HROB: variants seen among roughly 807,000 people sequenced by gnomAD.
HROB encodes the protein homologous recombination factor with OB-fold.
A neutral mutation model predicts 61.0 loss-of-function variants in HROB; 44 were observed. The ratio of observed to expected loss-of-function variants is 0.72; its 90% confidence interval spans 0.57 to 0.93. The LOEUF is 0.93. HROB is among the 40% of genes least tolerant of loss of function. HROB has a pLI of 0.00. For synonymous variants in HROB, 301 were observed against 310.4 expected (o/e 0.97, Z 0.32); for missense variants, 716 against 796.2 (o/e 0.90, Z 1.21).
chr17:44,152,533 G>A (rs2053845848), intron 4 of HROB, 104 bp from the exon 5 acceptor site: 1 of 1,350,662 alleles, frequency 7.4e-7, no homozygotes, highest in Non-Finnish European at 1.0e-6. Flanking sequence ...GTTTTTCCGA[G>A]GGGATTTGCC....
At chr17:44,147,751 C>A in intron 2 of HROB, 107 bp from the exon 3 acceptor site, 1 of 1,172,616 alleles carries the variant, frequency 8.5e-7, no homozygotes, top group South Asian at 1.5e-5. Flanking sequence ...GCTTTGGTTT[C>A]TTTCAAGTAT....
rs756148705 is a variant in HROB at position 44,148,612 on chromosome 17, C to G, written c.809C>G (p.Pro270Arg). ...CAGCAACTCCACTGGGAAGTCTGTC[C>G]GCAACGCTCCCCTGTTCAAGCACTT... ...PTQQLHWEVC[P>R]QRSPVQALQP... The change falls in exon 3 of 10, where the codon CCG (proline) becomes CGG (arginine). Residue 270 changes from proline to arginine, a missense_variant. Physicochemically the swap from Pro to Arg is moderately radical, Grantham distance 103. Transcript: ENST00000585683. 1 of 1,613,570 alleles carries G rather than the reference C, an allele frequency of 6.2e-7. No individual in the cohort carries two copies. The highest frequency in any genetic ancestry group is 1.7e-5 in the Admixed American group (1 of 60,014).
At position 44,142,067 on chromosome 17, in the gene HROB, G is replaced by T; in HGVS notation, c.-76G>T. On this transcript the variant is annotated 5_prime_UTR_variant, in exon 1 of 10. Transcript: ENST00000585683. ...GGAGTCCGAGACTTCCACCTGGGTCGTGTCCAAGGCCCCGGCGACTCCCCG... is the reference window on the plus strand; with the variant it reads ...GGAGTCCGAGACTTCCACCTGGGTCTTGTCCAAGGCCCCGGCGACTCCCCG... The T allele has an allele frequency of 1.3e-6, 2 of 1,518,106 alleles. No homozygotes were observed. The highest frequency in any genetic ancestry group is 8.8e-7 in the Non-Finnish European group (1 of 1,133,130). 94.0% of individuals were successfully genotyped at this position (1,518,106 alleles called of 1,614,324 possible).
intron 4 of HROB, among the ~76,000 whole-genome samples, chr17:44,151,831 TTTATG>T (rs2053815357): frequency 1.4e-5 from 2 of 147,238 alleles, no homozygotes; most frequent in African/African-American, 5.4e-5. Context: ...ATTATGTTAT[TTTATG>T]TTATTTTATT....
chr17:44,154,379 T>C, intron 5 of HROB, 177 bp from the exon 6 acceptor site: 1 of 591,182 alleles, frequency 1.7e-6, no homozygotes, highest in South Asian at 2.1e-5. Context: ...ATGAAGGACC[T>C]CCCAGCTCTA....
chr17:44,156,705 C>G (rs1198823392), intron 8 of HROB, among the ~76,000 whole-genome samples: 1 of 151,620 alleles, frequency 6.6e-6, no homozygotes, highest in African/African-American at 2.4e-5. Flanking sequence ...ACTCTGTCAC[C>G]CAGGCTGTAG....
chr17:44,150,864 C>A, intron 3 of HROB, 97 bp from the exon 4 acceptor site: 1 of 1,018,134 alleles, frequency 9.8e-7, no homozygotes, highest in South Asian at 1.4e-5. Context: ...AGTCCCTGAT[C>A]ATTTCCTGAA....
At chr17:44,155,025 A>G (rs999044156) in intron 7 of HROB, 87 bp downstream of exon 7, 6 of 1,472,074 alleles carry the variant, frequency 4.1e-6, no homozygotes, top group African/African-American at 1.4e-5. Context: ...CTTCCTCTAC[A>G]ACACCAGGCA....
chr17:44,145,166 G>C (rs1212347675), intron 1 of HROB, 37 bp from the exon 2 acceptor site: 1 of 1,611,656 alleles, frequency 6.2e-7, no homozygotes, highest in South Asian at 1.1e-5. Context: ...CTTGCAAATG[G>C]TATTTCTCAA....
chr17:44,152,857 G>C, intron 5 of HROB, 80 bp downstream of exon 5: 1 of 1,537,218 alleles, frequency 6.5e-7, no homozygotes, highest in South Asian at 1.2e-5. Flanking sequence ...CTCCACCTTA[G>C]GAAGGGGCTG....
intron 5 of HROB, chr17:44,154,210 T>C: frequency 4.5e-6 from 1 of 224,352 alleles, no homozygotes; most frequent in African/African-American, 2.3e-5. Flanking sequence ...GGCGTGGTGG[T>C]GGGCGCCTGT....
chr17:44,143,679 C>T (rs918617743), intron 1 of HROB, among the ~76,000 whole-genome samples: 9 of 151,700 alleles, frequency 5.9e-5, no homozygotes, highest in Non-Finnish European at 1.2e-4. Context: ...TAGCTGAGCA[C>T]GGTGGTGCAC....
chr17:44,147,850 C>G lies in HROB; in HGVS notation c.55-8C>G. 1.2e-6 allele frequency: 2 copies of G among 1,606,616 alleles called. No homozygotes were observed. The highest frequency in any genetic ancestry group is 2.7e-5 in the African/African-American group (2 of 74,830). On this transcript the variant is annotated splice_region_variant and splice_polypyrimidine_tract_variant and intron_variant, in intron 2 of 9. Coordinates refer to ENST00000585683, the MANE Select transcript of HROB (RefSeq NM_001171251.3). ...ATGCCAAGACCTACCATCTCTGCTT[C>G]CTTGTAGGATTTCTTGTCTGCTGTG... is the stretch of plus-strand genomic sequence containing the variant.
intron 9 of HROB, among the ~76,000 whole-genome samples, 159 bp downstream of exon 9, chr17:44,158,100 G>T (rs1053543003): frequency 3.3e-5 from 5 of 152,216 alleles, no homozygotes; most frequent in East Asian, 1.9e-4. Context: ...TGGCAAGGCT[G>T]CAGGCCACAA....
chr17:44,151,065 C>G, intron 4 of HROB, 21 bp downstream of exon 4: 1 of 1,588,696 alleles, frequency 6.3e-7, no homozygotes, highest in Non-Finnish European at 8.6e-7. Flanking sequence ...CAAATGTTAA[C>G]TTTCTGGGTG....
In HROB at chr17:44,156,071, C is replaced by A. The variant is rs575673845; in HGVS notation, c.1770+660C>A. On this transcript the variant is annotated intron_variant, in intron 8 of 9. Transcript: ENST00000585683. The stretch of plus-strand genomic sequence containing the variant: ...TGGGCAAGTCCTGTTGCCTCCCTTG[C>A]AACAGCTTCATCTATAGTACGTTTG... 3.3e-5 allele frequency among the ~76,000 whole-genome samples: 5 copies of A among 152,208 alleles called. No homozygotes were observed. The South Asian group carries it at 1.0e-3, about 31-fold the overall frequency.
In HROB at chr17:44,155,390, G is replaced by A. The variant is rs1489282735; in HGVS notation, c.1749G>A (p.Lys583=). 1 of 1,614,178 alleles carries A rather than the reference G, an allele frequency of 6.2e-7. No individual in the cohort carries two copies. The highest frequency in any genetic ancestry group is 2.2e-5 in the East Asian group (1 of 44,874). ...ATTCTGGGGATGGGAGCTTCCTCAAGCCATCTCAGCCCTTCCCCAAGGTAA... is the reference window on the plus strand; with the variant it reads ...ATTCTGGGGATGGGAGCTTCCTCAAACCATCTCAGCCCTTCCCCAAGGTAA... The part of the protein sequence containing the change: ...SPDSGDGSFL[K]PSQPFPKDSG... Residue 583 remains lysine (K), a synonymous_variant, in exon 8 of 10, where the codon AAG becomes AAA. Transcript: ENST00000585683.
intron 3 of HROB, among the ~76,000 whole-genome samples, chr17:44,149,353 A>T (rs2143932343): frequency 6.6e-6 from 1 of 151,322 alleles, no homozygotes; most frequent in East Asian, 1.9e-4. Flanking sequence ...GGTTTAAGCG[A>T]TTCTCCTGCC....
At chr17:44,142,262 G>A (rs1028560318) in intron 1 of HROB, 117 bp downstream of exon 1, 6 of 1,290,684 alleles carry the variant, frequency 4.6e-6, no homozygotes, top group Non-Finnish European at 6.1e-6. Flanking sequence ...TCTGGGTGGG[G>A]GTTCGGCGGA....
Sources: allele counts gnomAD v4.1 joint callset (sites outside exome capture counted in the v4.1 genomes callset), GRCh38; gene constraint gnomAD v4.1.1; transcripts MANE v1.5; gene names NCBI Gene and HGNC (gene_info 2026-07-23, HGNC 2026-07-21).